ASAH1: variants seen among roughly 807,000 people sequenced by gnomAD.
The protein encoded by ASAH1 is N-acylsphingosine amidohydrolase 1.
In ASAH1, 70 loss-of-function variants were observed where a neutral mutation model predicts 59.5. That is an observed-to-expected ratio of 1.18 (90% CI 0.97 to 1.43). The LOEUF is 1.43. Among genes scored for constraint, ASAH1 ranks in the 40% most tolerant of loss-of-function variants. The pLI is 0.00. For synonymous variants in ASAH1, 213 were observed against 166.5 expected, an observed-to-expected ratio of 1.28 and a Z score of -2.15; for missense variants, 660 against 482.5, an observed-to-expected ratio of 1.37 and a Z score of -3.45.
At chr8:18,062,557 A>T in intron 7 of ASAH1, 134 bp from the exon 8 acceptor site, 1 of 987,648 alleles carries the variant, frequency 1.0e-6, no homozygotes, top group Non-Finnish European at 1.6e-6. Flanking sequence ...AGACCTTTAC[A>T]ATATGGTATA....
At chr8:18,083,765 A>T in intron 1 of ASAH1, 2 of 911,062 alleles carry the variant, frequency 2.2e-6, no homozygotes, top group Non-Finnish European at 3.2e-6. Flanking sequence ...GATTTCCTTT[A>T]AAGGAGTTCT....
intron 2 of ASAH1, among the ~76,000 whole-genome samples, chr8:18,075,082 G>A (rs1432310438): frequency 6.8e-6 from 1 of 147,532 alleles, no homozygotes; most frequent in Non-Finnish European, 1.5e-5. Context: ...TGCAAGCTCC[G>A]CCTCCCGGGT....
chr8:18,078,372 A>G (rs974750795), intron 1 of ASAH1, among the ~76,000 whole-genome samples: 1 of 152,230 alleles, frequency 6.6e-6, no homozygotes, highest in Non-Finnish European at 1.5e-5. Flanking sequence ...TCTGAGGTTG[A>G]TAACGACTCT....
intron 1 of ASAH1, chr8:18,075,796 T>A: frequency 1.7e-6 from 1 of 590,810 alleles, no homozygotes; most frequent in Non-Finnish European, 3.0e-6. Context: ...CAATTCAATT[T>A]GTAAAAGTGC....
intron 5 of ASAH1, 177 bp downstream of exon 5, chr8:18,067,043 T>C (rs529466758): frequency 3.6e-5 from 13 of 366,130 alleles, no homozygotes; most frequent in African/African-American, 1.5e-4. Flanking sequence ...ATCTGAGTCA[T>C]GGCTACATGC....
chr8:18,073,718 G>C (rs1800271100), intron 2 of ASAH1, among the ~76,000 whole-genome samples: 1 of 152,172 alleles, frequency 6.6e-6, no homozygotes, highest in Admixed American at 6.5e-5. Context: ...AATTGAAAAG[G>C]ATGATCTCAA....
At position 18,057,498 on chromosome 8, in the gene ASAH1, G is replaced by A; in HGVS notation, c.*36C>T. 1 of 1,507,766 alleles carries A rather than the reference G, an allele frequency of 6.6e-7. No individual in the cohort carries two copies. 93.4% of individuals were successfully genotyped at this position (1,507,766 alleles called of 1,614,324 possible). A position where few individuals can be genotyped will look rare whatever the true frequency, so the allele number is the denominator to read the frequency against. ...GGTCACATGGAGATGGTGTCTTCAT[G>A]TCTCAGAGGCCGCATTCTGTAGGCC... On this transcript the variant is annotated 3_prime_UTR_variant, in exon 14 of 14. Transcript: ENST00000637790.
At chr8:18,084,242 A>G (rs1415133372), upstream of ASAH1, 23 of 1,467,296 alleles carry the variant, frequency 1.6e-5, no homozygotes, top group East Asian at 5.5e-4. Context: ...TTTCAGTGCC[A>G]CGAAAAGGGT....
chr8:18,066,954 G>C (rs1177522673), intron 5 of ASAH1: 5 of 401,314 alleles, frequency 1.2e-5, no homozygotes, highest in Non-Finnish European at 2.2e-5. Flanking sequence ...CATCAGAATA[G>C]TGTTTACTGG....
chr8:18,063,798 A>G (rs1799812527), intron 6 of ASAH1: 1 of 157,446 alleles, frequency 6.4e-6, no homozygotes, highest in African/African-American at 2.4e-5. Flanking sequence ...AAAGGAATCA[A>G]TGGTCATGTT....
intron 3 of ASAH1, 25 bp from the exon 4 acceptor site, chr8:18,069,903 TAA>T: frequency 6.8e-7 from 1 of 1,479,462 alleles, no homozygotes; most frequent in Non-Finnish European, 9.4e-7. Flanking sequence ...AAATGCTTAC[TAA>T]AAGACATAAT....
intron 2 of ASAH1, among the ~76,000 whole-genome samples, chr8:18,074,660 A>G (rs1238080982): frequency 6.6e-6 from 1 of 152,136 alleles, no homozygotes; most frequent in Admixed American, 6.5e-5. Flanking sequence ...GTGAGCTGTT[A>G]TTATGGCTTT....
At chr8:18,072,005 C>T (rs759445019) in intron 2 of ASAH1, among the ~76,000 whole-genome samples, 4 of 152,214 alleles carry the variant, frequency 2.6e-5, no homozygotes, top group Non-Finnish European at 4.4e-5. Context: ...TCTGTCATAT[C>T]CTCCAACTTC....
chr8:18,061,606 T>C, intron 9 of ASAH1, 80 bp downstream of exon 9: 2 of 1,512,940 alleles, frequency 1.3e-6, no homozygotes, highest in South Asian at 1.2e-5. Context: ...AGGTTGGACT[T>C]TGTAACCAGA....
At chr8:18,067,152 A>ATACAG in intron 5 of ASAH1, 68 bp downstream of exon 5, 2 of 1,442,508 alleles carry the variant, frequency 1.4e-6, no homozygotes, top group Non-Finnish European at 1.9e-6. Context: ...TATGTATATC[A>ATACAG]CACCTCAATG....
At chr8:18,064,213 G>A (rs1404603143) in intron 6 of ASAH1, 3 of 586,178 alleles carry the variant, frequency 5.1e-6, no homozygotes, top group Non-Finnish European at 6.0e-6. Flanking sequence ...AATGTTTCTA[G>A]CCCTGCAACA....
chr8:18,067,999 T>C (rs139083065), intron 4 of ASAH1: 1 of 152,162 alleles, frequency 6.6e-6, no homozygotes, highest in Non-Finnish European at 1.5e-5. Context: ...CACCTAAACA[T>C]ATTTTTTTTC....
At chr8:18,059,938 A>AC in intron 10 of ASAH1, 1 of 413,278 alleles carries the variant, frequency 2.4e-6, no homozygotes. Context: ...CTTTCACCCC[A>AC]CCCCCTGACA....
intron 7 of ASAH1, 179 bp downstream of exon 7, chr8:18,063,006 A>G: frequency 1.6e-6 from 1 of 607,408 alleles, no homozygotes; most frequent in Non-Finnish European, 2.9e-6. Context: ...AGTAGCCGGG[A>G]TTACAGATGC....
Sources: gnomAD v4.1 joint callset for allele counts (sites outside exome capture counted in the v4.1 genomes callset) on GRCh38, gnomAD v4.1.1 for gene constraint, MANE v1.5 for transcripts, NCBI Gene and HGNC (gene_info 2026-07-23, HGNC 2026-07-21) for gene names.